The following DNAH14 variants were observed in gnomAD, a reference collection of about 807,000 sequenced individuals.
DNAH14 encodes dynein axonemal heavy chain 14, also known as axonemal beta dynein heavy chain 14.
A neutral mutation model predicts 520.9 loss-of-function variants in DNAH14; 478 were observed. That is an observed-to-expected ratio of 0.92 (90% CI 0.85 to 0.99). The LOEUF is 0.99. DNAH14 is among the 50% of genes least tolerant of loss of function. The probability of loss-of-function intolerance (pLI) is 0.00; values close to 1 mark genes in which losing one functional copy is unlikely to be tolerated. For missense variants in DNAH14, 4,831 were observed against 5,234.5 expected (o/e 0.92, Z 2.38); for synonymous variants, 1,581 against 1,757.2 (o/e 0.90, Z 2.51).
At chr1:224,954,012 G>A (rs541472704) in intron 2 of DNAH14, among the ~76,000 whole-genome samples, 1 of 152,108 alleles carries the variant, frequency 6.6e-6, no homozygotes, top group Non-Finnish European at 1.5e-5. Context: ...TTCCAAATCA[G>A]AGATACAAAG....
chr1:224,996,353 G>A (rs2063394318), intron 8 of DNAH14, among the ~76,000 whole-genome samples: 1 of 151,810 alleles, frequency 6.6e-6, no homozygotes, highest in African/African-American at 2.4e-5. Flanking sequence ...TGGAAACAGT[G>A]CCTCACTGTG....
At chr1:225,169,652 T>A (rs2082395382) in intron 36 of DNAH14, among the ~76,000 whole-genome samples, 1 of 152,204 alleles carries the variant, frequency 6.6e-6, no homozygotes, top group Non-Finnish European at 1.5e-5. Context: ...CTGATTGGTG[T>A]ACCTGAAAGT....
At chr1:225,317,361 T>C (rs927717319) in intron 60 of DNAH14, among the ~76,000 whole-genome samples, 2 of 152,098 alleles carry the variant, frequency 1.3e-5, no homozygotes, top group Non-Finnish European at 2.9e-5. Flanking sequence ...TTCATTATGA[T>C]TTGCTCCTCA....
chr1:225,259,231 T>C lies in DNAH14; in HGVS notation c.7135T>C (p.Tyr2379His), dbSNP rs766488865. The C allele has an allele frequency of 4.0e-6, 6 of 1,497,752 alleles. No individual in the cohort carries two copies. In the South Asian group the frequency reaches 6.6e-5, roughly 16 times the overall value. The allele number at this position is 1,497,752 out of a possible 1,614,324, so 92.8% of individuals were successfully genotyped here. Residue 2379 changes from tyrosine to histidine, a missense_variant, in exon 46 of 86, where the codon TAT becomes CAT. Tyr to His is a moderately conservative substitution (Grantham distance 83). Transcript: ENST00000682510. ...TTCAATTTTAGGAGACACCCTATTA[T>C]ATAGTGAAATAAAAAAATCAAGGTT... ...HGSILGDTLL[Y>H]SEIKKSSSLK...
Position 225,015,153 on chromosome 1 carries a change from T to A in DNAH14, c.1107+7609T>A, listed in dbSNP as rs374215912. ...GGTTTTTGTTTACGTGGAGTATCTT[T>A]TTTATCTCTTCACTTTCAGTCTGTG... On this transcript the variant is annotated intron_variant, in intron 10 of 85. Transcript: ENST00000682510. Among the ~76,000 whole-genome samples the A allele has an allele frequency of 3.9e-5, 6 of 152,322 alleles. No individual in the cohort carries two copies. In the East Asian group the frequency reaches 9.6e-4, roughly 24 times the overall value.
chr1:225,037,567 A>G (rs1268673290), intron 11 of DNAH14, among the ~76,000 whole-genome samples: 1 of 152,078 alleles, frequency 6.6e-6, no homozygotes, highest in African/African-American at 2.4e-5. Flanking sequence ...TTCTTTTTAT[A>G]TCTTATTTGT....
rs1193834939 is a variant in DNAH14 at position 225,274,194 on chromosome 1, G to GTTTT, written c.8010+1071_8010+1072insTTTT. On this transcript the variant is annotated intron_variant, in intron 52 of 85. Transcript: ENST00000682510. ...TTTCTCTGCATCCTCACCAGCATCT[G>GTTTT]TTATTTTTTTTTTTTTTTTTTTTTT... is the stretch of plus-strand genomic sequence containing the variant. Among the ~76,000 whole-genome samples the GTTTT allele has an allele frequency of 1.8e-3, 217 of 120,272 alleles. 21 individuals are homozygous for GTTTT. The highest frequency in any genetic ancestry group is 3.8e-3 in the African/African-American group (113 of 29,402). The allele number at this position is 120,272 out of a possible 152,430, so 78.9% of individuals were successfully genotyped here.
chr1:225,204,174 A>T lies in DNAH14; in HGVS notation c.5887-9A>T, dbSNP rs1230112727. 4 of 1,371,552 alleles carry T rather than the reference A, an allele frequency of 2.9e-6. No homozygotes were observed. Among genetic ancestry groups the T allele is most frequent in the Non-Finnish European group, 3.9e-6 (4 of 1,033,260 alleles). The allele number at this position is 1,371,552 out of a possible 1,614,324, so 85.0% of individuals were successfully genotyped here. Reference sequence around the variant, plus strand: ...TAAAAATTTAAACATTATTGATTACATATTTTAGGTTTTCAAACTTGATTC... The same window carrying T: ...TAAAAATTTAAACATTATTGATTACTTATTTTAGGTTTTCAAACTTGATTC... On this transcript the variant is annotated splice_polypyrimidine_tract_variant and intron_variant, in intron 38 of 85. Coordinates refer to ENST00000682510, the MANE Select transcript of DNAH14 (RefSeq NM_001367479.1).
At chr1:225,080,837 T>A in intron 19 of DNAH14, 89 bp downstream of exon 19, 1 of 1,354,176 alleles carries the variant, frequency 7.4e-7, no homozygotes, top group Non-Finnish European at 9.8e-7. Flanking sequence ...GCTTGTTTCT[T>A]TACCCATTCT....
intron 10 of DNAH14, among the ~76,000 whole-genome samples, chr1:225,011,536 G>A (rs1209669291): frequency 2.6e-5 from 4 of 152,050 alleles, no homozygotes; most frequent in Non-Finnish European, 1.5e-5. Flanking sequence ...AGGTGTTAAA[G>A]TCTCCCACTA....
intron 27 of DNAH14, among the ~76,000 whole-genome samples, chr1:225,131,670 AAT>A (rs2078437824): frequency 6.6e-6 from 1 of 152,218 alleles, no homozygotes. Context: ...TTAGGAAATG[AAT>A]ATCTTTGTAG....
chr1:225,121,053 C>T (rs1271113463), intron 26 of DNAH14, among the ~76,000 whole-genome samples: 2 of 152,064 alleles, frequency 1.3e-5, no homozygotes, highest in South Asian at 2.1e-4. Context: ...CTGGAATATA[C>T]GCCTTATCCA....
chr1:225,062,379 T>A (rs990500174), intron 17 of DNAH14, among the ~76,000 whole-genome samples: 1 of 151,876 alleles, frequency 6.6e-6, no homozygotes, highest in African/African-American at 2.4e-5. Flanking sequence ...GATTAACAGG[T>A]AGTACAGGAT....
At chr1:225,177,517 C>A (rs531754960) in intron 36 of DNAH14, among the ~76,000 whole-genome samples, 1 of 152,278 alleles carries the variant, frequency 6.6e-6, no homozygotes, top group African/African-American at 2.4e-5. Flanking sequence ...TCATCACAGC[C>A]GTTCCCATCA....
chr1:225,301,149 A>C (rs1434739616), intron 56 of DNAH14, 119 bp downstream of exon 56: 4 of 1,167,118 alleles, frequency 3.4e-6, no homozygotes, highest in Non-Finnish European at 4.7e-6. Context: ...TGAGTTTTTA[A>C]GGTAAAATAA....
chr1:225,187,676 C>T (rs61851490), intron 37 of DNAH14, among the ~76,000 whole-genome samples: 20 of 151,968 alleles, frequency 1.3e-4, no homozygotes, highest in Admixed American at 1.1e-3. Context: ...CTAGCGGATG[C>T]GAAATACTAT....
intron 54 of DNAH14, among the ~76,000 whole-genome samples, chr1:225,279,122 G>C (rs928610440): frequency 3.3e-5 from 5 of 152,082 alleles, no homozygotes; most frequent in Non-Finnish European, 5.9e-5. Context: ...TCAGCCTCCT[G>C]AGTAGCCTCC....
At position 225,195,618 on chromosome 1, in the gene DNAH14, C is replaced by A. The variant is rs374373208; in HGVS notation, c.5886+2707C>A. Among the ~76,000 whole-genome samples, 23 of 150,244 alleles carry A rather than the reference C, an allele frequency of 1.5e-4. No individual in the cohort carries two copies. In the East Asian group the frequency reaches 2.6e-3, roughly 17 times the overall value. ...CGAGACACGCAATTTATCTATATAA[C>A]AACCCTGCACATATACCCCTGAACC... On this transcript the variant is annotated intron_variant, in intron 38 of 85. Transcript: ENST00000682510.
chr1:225,348,038 AGAAT>A (rs1251917377), intron 71 of DNAH14, among the ~76,000 whole-genome samples: 1 of 152,212 alleles, frequency 6.6e-6, no homozygotes, highest in African/African-American at 2.4e-5. Flanking sequence ...ACTATAAAAA[AGAAT>A]GAAACAAATT....
Sources: allele counts gnomAD v4.1 joint callset (sites outside exome capture counted in the v4.1 genomes callset), GRCh38; gene constraint gnomAD v4.1.1; transcripts MANE v1.5; gene names NCBI Gene and HGNC (gene_info 2026-07-23, HGNC 2026-07-21).